RAP1GAP2: variants seen among roughly 807,000 people sequenced by gnomAD.
RAP1GAP2 encodes the protein RAP1 GTPase activating protein 2, also known as rap1 GTPase-activating protein 2.
RAP1GAP2 carries 27 observed loss-of-function variants against 95.0 expected under a neutral mutation model. That is an observed-to-expected ratio of 0.28 (90% CI 0.21 to 0.39). The LOEUF (loss-of-function observed/expected upper bound fraction) is 0.39, where lower values mean the gene tolerates loss of function less well. Ranked by LOEUF, RAP1GAP2 falls within the 10% of genes least tolerant of loss-of-function variation. The pLI is 1.00. For missense variants in RAP1GAP2, 771 were observed against 970.0 expected (o/e 0.79, Z 2.72); for synonymous variants, 373 against 380.9 (o/e 0.98, Z 0.24).
At chr17:2,802,415 G>A (rs1195038373) in intron 2 of RAP1GAP2, among the ~76,000 whole-genome samples, 1 of 152,214 alleles carries the variant, frequency 6.6e-6, no homozygotes, top group African/African-American at 2.4e-5. Flanking sequence ...TCTCTGTTGA[G>A]CTGATGCCAG....
At chr17:2,838,806 T>C (rs2071254271) in intron 2 of RAP1GAP2, among the ~76,000 whole-genome samples, 1 of 152,150 alleles carries the variant, frequency 6.6e-6, no homozygotes, top group African/African-American at 2.4e-5. Flanking sequence ...AGCTCATCAC[T>C]TCAAGGAGAA....
chr17:2,961,859 C>T (rs2044343985), intron 4 of RAP1GAP2, among the ~76,000 whole-genome samples: 1 of 149,692 alleles, frequency 6.7e-6, no homozygotes, highest in Admixed American at 6.7e-5. Context: ...TCCTATGTTT[C>T]CCTTCCCTTA....
chr17:2,946,708 C>T (rs7218231), intron 3 of RAP1GAP2, among the ~76,000 whole-genome samples: 3,122 of 152,248 alleles, frequency 0.021, 119 homozygotes, highest in African/African-American at 0.07. Flanking sequence ...TTCTTAGAAA[C>T]GCACATTCTC....
chr17:2,827,441 C>T lies in RAP1GAP2; in HGVS notation c.80+26891C>T, dbSNP rs1350118123. 4.7e-5 allele frequency among the ~76,000 whole-genome samples: 7 copies of T among 149,832 alleles called. No homozygotes were observed. The highest frequency in any genetic ancestry group is 6.7e-5 in the Admixed American group (1 of 15,036). The stretch of plus-strand genomic sequence containing the variant: ...CTGCGAAGGAAATAGAACAGTGAGG[C>T]GATGAGGGTGGGGCTCGGGGCTGGG... On this transcript the variant is annotated intron_variant, in intron 2 of 24. Coordinates refer to ENST00000254695, the MANE Select transcript of RAP1GAP2 (RefSeq NM_015085.5). The surrounding 1 kb of genome is among the most constrained non-coding windows in gnomAD (Gnocchi z 4.1).
Position 2,817,835 on chromosome 17 carries a change from T to TTTTTG in RAP1GAP2, c.80+17300_80+17304dup, listed in dbSNP as rs1365690225. Among the ~76,000 whole-genome samples the TTTTTG allele has an allele frequency of 2.6e-5, 3 of 117,524 alleles. 1 individual carries two copies. Among genetic ancestry groups the TTTTTG allele is most frequent in the Non-Finnish European group, 6.1e-5 (3 of 49,054 alleles). The allele number at this position is 117,524 out of a possible 152,430, so 77.1% of individuals were successfully genotyped here. A position where few individuals can be genotyped will look rare whatever the true frequency, so the allele number is the denominator to read the frequency against. ...TGCGTCTGGCCTCTATGTTTAATTG[T>TTTTTG]TTTTGTTTTGTTTTGTTTTTGAGAT... is the stretch of plus-strand genomic sequence containing the variant. On this transcript the variant is annotated intron_variant, in intron 2 of 24. Transcript: ENST00000254695.
intron 2 of RAP1GAP2, among the ~76,000 whole-genome samples, chr17:2,801,084 A>G (rs2069272197): frequency 6.6e-6 from 1 of 151,152 alleles, no homozygotes; most frequent in Non-Finnish European, 1.5e-5. Flanking sequence ...TCTTGACGTC[A>G]TGGTCCGCCC....
intron 18 of RAP1GAP2, among the ~76,000 whole-genome samples, chr17:3,018,786 C>T (rs368525415): frequency 1.3e-5 from 2 of 152,154 alleles, no homozygotes; most frequent in African/African-American, 2.4e-5. Context: ...GATTTGAGGC[C>T]GGGCGTGGTG....
upstream of RAP1GAP2, among the ~76,000 whole-genome samples, chr17:2,772,208 G>A (rs754471831): frequency 1.6e-4 from 25 of 152,136 alleles, no homozygotes; most frequent in Non-Finnish European, 3.4e-4. Flanking sequence ...GGCTGGTCTC[G>A]AACTCCTGAC....
intron 2 of RAP1GAP2, among the ~76,000 whole-genome samples, chr17:2,847,163 G>A (rs1325613433): frequency 6.6e-6 from 1 of 152,040 alleles, no homozygotes. Context: ...CGCCCGCCAC[G>A]TTGCCTGGCT....
chr17:2,863,448 G>T (rs1254413286), intron 2 of RAP1GAP2, among the ~76,000 whole-genome samples: 1 of 152,172 alleles, frequency 6.6e-6, no homozygotes, highest in East Asian at 1.9e-4. Context: ...GAGACATGTC[G>T]GCCCCATGTG....
intron 2 of RAP1GAP2, among the ~76,000 whole-genome samples, chr17:2,901,084 G>A (rs573561815): frequency 1.3e-5 from 2 of 152,260 alleles, no homozygotes; most frequent in African/African-American, 2.4e-5. Context: ...TCCACTCCAG[G>A]CCCCTTTGAC....
intron 3 of RAP1GAP2, among the ~76,000 whole-genome samples, chr17:2,919,582 G>C (rs1407846243): frequency 6.6e-6 from 1 of 152,128 alleles, no homozygotes. Context: ...GCCATGGGGG[G>C]CCAGGCGGGG....
chr17:2,771,483 T>G (rs2068393129), intron 2 of RAP1GAP2, among the ~76,000 whole-genome samples: 1 of 144,718 alleles, frequency 6.9e-6, no homozygotes, highest in South Asian at 2.4e-4. Context: ...AAGCCACTTT[T>G]TTGTTTTTTT....
At chr17:2,896,801 C>T (rs2090023469) in intron 2 of RAP1GAP2, among the ~76,000 whole-genome samples, 1 of 152,208 alleles carries the variant, frequency 6.6e-6, no homozygotes, top group African/African-American at 2.4e-5. Context: ...ATCTAATGCA[C>T]CTGGAGGGCA....
At chr17:2,957,901 G>T in intron 4 of RAP1GAP2, 107 bp downstream of exon 4, 3 of 1,195,448 alleles carry the variant, frequency 2.5e-6, no homozygotes, top group Non-Finnish European at 3.4e-6. Flanking sequence ...CTGGACGGGG[G>T]TGCAGAGAAG....
At chr17:2,996,296 G>A (rs2045960717) in intron 13 of RAP1GAP2, among the ~76,000 whole-genome samples, 1 of 152,178 alleles carries the variant, frequency 6.6e-6, no homozygotes, top group Admixed American at 6.5e-5. Context: ...TGCATCCCTG[G>A]GGAGAGCCGC....
intron 2 of RAP1GAP2, among the ~76,000 whole-genome samples, chr17:2,846,923 C>CTCACAATA (rs55816331): frequency 0.15 from 22,686 of 152,178 alleles, 1,885 homozygotes; most frequent in East Asian, 0.18. Context: ...TGCATTTTAG[C>CTCACAATA]TCACAATAGT....
At chr17:2,997,922 C>CAAAAAAAAAAAA (rs1313908992) in intron 13 of RAP1GAP2, among the ~76,000 whole-genome samples, 1 of 67,732 alleles carries the variant, frequency 1.5e-5, no homozygotes. Flanking sequence ...GACCCTGTCT[C>CAAAAAAAAAAAA]AAAAAAAAAA....
intron 3 of RAP1GAP2, among the ~76,000 whole-genome samples, chr17:2,950,040 TTTCTTCTTC>T (rs752128071): frequency 8.2e-6 from 1 of 122,282 alleles, no homozygotes; most frequent in African/African-American, 3.0e-5. Context: ...ACCCATTTCT[TTTCTTCTTC>T]TTCTTCTTCT....
Sources: gnomAD v4.1 joint callset for allele counts (sites outside exome capture counted in the v4.1 genomes callset) on GRCh38, gnomAD v4.1.1 for gene constraint, Gnocchi (gnomAD v3.1) non-coding constraint, MANE v1.5 for transcripts, NCBI Gene and HGNC (gene_info 2026-07-23, HGNC 2026-07-21) for gene names.